The following FGGY variants were observed in gnomAD, a reference collection of about 807,000 sequenced individuals.
FGGY encodes the protein FGGY carbohydrate kinase domain-containing protein.
Under a neutral mutation model 71.3 loss-of-function variants are expected in FGGY, and 72 were observed. The observed-to-expected ratio is 1.01, with a 90% CI of 0.84 to 1.23. The LOEUF is 1.23. Among genes scored for constraint, FGGY ranks in the 50% most tolerant of loss-of-function variants. The pLI, the probability that FGGY is intolerant of heterozygous loss-of-function variation, is 0.00. For missense variants in FGGY, 668 were observed against 682.3 expected (o/e 0.98, Z 0.23); for synonymous variants, 251 against 250.3 (o/e 1.00, Z -0.02).
At chr1:59,391,914 A>G (rs1238838262) in intron 5 of FGGY, among the ~76,000 whole-genome samples, 3 of 152,204 alleles carry the variant, frequency 2.0e-5, no homozygotes, top group South Asian at 2.1e-4. Context: ...ATATGATACT[A>G]TATTCTCTGT....
intron 5 of FGGY, among the ~76,000 whole-genome samples, chr1:59,391,686 C>T (rs1178405631): frequency 1.3e-5 from 2 of 152,112 alleles, no homozygotes; most frequent in African/African-American, 2.4e-5. Flanking sequence ...AAGCTTTTTC[C>T]CCAGTTCTCT....
chr1:59,305,696 G>A (rs902875610), intron 1 of FGGY, among the ~76,000 whole-genome samples: 2 of 152,126 alleles, frequency 1.3e-5, no homozygotes, highest in African/African-American at 4.8e-5. Context: ...TGAGTTATGA[G>A]GCTTTCTACT....
chr1:59,367,228 T>C (rs2056744182), intron 4 of FGGY, among the ~76,000 whole-genome samples: 1 of 152,266 alleles, frequency 6.6e-6, no homozygotes. Context: ...GCATGGGAGT[T>C]TGAAACACAC....
In FGGY at chr1:59,673,859, C is replaced by T. The variant is rs1401478893; in HGVS notation, c.1418-180C>T. On this transcript the variant is annotated intron_variant, in intron 13 of 15. Transcript: ENST00000303721. ...TGGCTACTGCACCAGCAGGCACAGG[C>T]AGTGAAATCTTTTAGAACCAAATAA... The T allele has an allele frequency of 2.1e-5, 12 of 570,890 alleles. No homozygotes were observed. The Admixed American group carries it at 3.5e-4, about 17-fold the overall frequency. 35.4% of individuals were successfully genotyped at this position (570,890 alleles called of 1,614,324 possible).
chr1:59,725,730 A>C (rs78748630), intron 14 of FGGY, among the ~76,000 whole-genome samples: 1,565 of 152,166 alleles, frequency 0.01, 30 homozygotes, highest in African/African-American at 0.036. Flanking sequence ...TGACTCTTGA[A>C]TATTAACCCT....
At chr1:59,471,419 A>G (rs2092935028) in intron 6 of FGGY, among the ~76,000 whole-genome samples, 2 of 152,142 alleles carry the variant, frequency 1.3e-5, no homozygotes, top group South Asian at 4.2e-4. Flanking sequence ...TATAGAGGCC[A>G]TCCCTGTGGG....
intron 7 of FGGY, among the ~76,000 whole-genome samples, chr1:59,524,811 G>A (rs2094932380): frequency 6.6e-6 from 1 of 152,198 alleles, no homozygotes; most frequent in Non-Finnish European, 1.5e-5. Context: ...TCACCCTGCA[G>A]TTGTCTGTGT....
In FGGY at chr1:59,466,580, G is replaced by A. The variant is rs142118973; in HGVS notation, c.670+9504G>A. ...AGAGTGAACAGGCAACCTACAGAAT[G>A]GGAGAAAATTTTCACAACCTGCTCA... On this transcript the variant is annotated intron_variant, in intron 6 of 15. Transcript: ENST00000303721. 3.7e-3 allele frequency among the ~76,000 whole-genome samples: 558 copies of A among 152,184 alleles called. 3 individuals are homozygous for A. Among genetic ancestry groups the A allele is most frequent in the African/African-American group, 0.012 (497 of 41,510 alleles).
At chr1:59,388,581 C>T (rs1474532566) in intron 5 of FGGY, among the ~76,000 whole-genome samples, 1 of 152,038 alleles carries the variant, frequency 6.6e-6, no homozygotes, top group Non-Finnish European at 1.5e-5. Flanking sequence ...CACATCCCTT[C>T]CTTGGTACTT....
At chr1:59,302,679 C>T (rs2042949032) in intron 1 of FGGY, among the ~76,000 whole-genome samples, 2 of 151,392 alleles carry the variant, frequency 1.3e-5, no homozygotes, top group South Asian at 4.2e-4. Flanking sequence ...GTTAGATCTA[C>T]TTGAGGGGGT....
intron 5 of FGGY, among the ~76,000 whole-genome samples, chr1:59,405,688 A>C (rs974726207): frequency 2.6e-5 from 4 of 152,194 alleles, no homozygotes; most frequent in African/African-American, 9.7e-5. Context: ...CTACTCAGGA[A>C]GGTAACTTGT....
At chr1:59,512,939 A>T (rs1357040933) in intron 7 of FGGY, among the ~76,000 whole-genome samples, 1 of 152,216 alleles carries the variant, frequency 6.6e-6, no homozygotes, top group East Asian at 1.9e-4. Flanking sequence ...CCCGTTGAAC[A>T]CTTACCATGT....
At chr1:59,609,985 G>A (rs2096658874) in intron 9 of FGGY, among the ~76,000 whole-genome samples, 1 of 152,196 alleles carries the variant, frequency 6.6e-6, no homozygotes, top group Admixed American at 6.5e-5. Context: ...AGTTGAGAAG[G>A]AAGACATCAT....
chr1:59,459,501 G>A (rs1055092700), intron 6 of FGGY, among the ~76,000 whole-genome samples: 8 of 152,160 alleles, frequency 5.3e-5, no homozygotes, highest in Non-Finnish European at 1.0e-4. Context: ...TTGACTTAAT[G>A]TTCAGAATTG....
chr1:59,602,115 A>G (rs2096584038), intron 8 of FGGY, among the ~76,000 whole-genome samples: 1 of 152,242 alleles, frequency 6.6e-6, no homozygotes, highest in Admixed American at 6.5e-5. Context: ...CCTCAAAGAC[A>G]AAAGAGATAT....
chr1:59,565,558 A>C (rs2095861691), intron 8 of FGGY, among the ~76,000 whole-genome samples: 1 of 152,188 alleles, frequency 6.6e-6, no homozygotes, highest in Non-Finnish European at 1.5e-5. Flanking sequence ...TGCTGGGATT[A>C]CAGGCGTGAG....
chr1:59,455,416 T>C (rs2091587525), intron 5 of FGGY, among the ~76,000 whole-genome samples: 1 of 152,164 alleles, frequency 6.6e-6, no homozygotes, highest in African/African-American at 2.4e-5. Flanking sequence ...AGGCTCACTA[T>C]AGCAAACTCC....
chr1:59,747,295 A>C (rs2098207061), intron 14 of FGGY, among the ~76,000 whole-genome samples: 1 of 151,842 alleles, frequency 6.6e-6, no homozygotes, highest in Non-Finnish European at 1.5e-5. Context: ...TTTGGATCCA[A>C]CTCTTTTGCA....
At chr1:59,351,998 C>T (rs963394798) in intron 4 of FGGY, among the ~76,000 whole-genome samples, 3 of 152,126 alleles carry the variant, frequency 2.0e-5, no homozygotes, top group Non-Finnish European at 4.4e-5. Flanking sequence ...ATGTCCTTTT[C>T]ATTTAAAGTT....
Sources: allele counts gnomAD v4.1 joint callset (sites outside exome capture counted in the v4.1 genomes callset), GRCh38; gene constraint gnomAD v4.1.1; transcripts MANE v1.5; gene names NCBI Gene and HGNC (gene_info 2026-07-23, HGNC 2026-07-21).